ZNF253: variants seen among roughly 807,000 people sequenced by gnomAD.
ZNF253 encodes DNA-binding protein.
Under a neutral mutation model 11.9 loss-of-function variants are expected in ZNF253, and 8 were observed. The observed-to-expected ratio is 0.67, with a 90% CI of 0.40 to 1.22. The LOEUF is 1.22. Ranked by LOEUF, ZNF253 falls within the 50% of genes most tolerant of loss-of-function variation. The probability of loss-of-function intolerance (pLI) is 0.01; values close to 1 mark genes in which losing one functional copy is unlikely to be tolerated. For synonymous variants in ZNF253, 194 were observed against 194.9 expected, an observed-to-expected ratio of 1.00 and a Z score of 0.04; for missense variants, 485 against 586.9, an observed-to-expected ratio of 0.83 and a Z score of 1.79.
At chr19:19,877,440 A>G (rs1227430591) in intron 1 of ZNF253, among the ~76,000 whole-genome samples, 1 of 150,732 alleles carries the variant, frequency 6.6e-6, no homozygotes, top group East Asian at 2.0e-4. Flanking sequence ...CAATGGTGCA[A>G]TCTTGGCTCA....
chr19:19,866,088 T>G, intron 1 of ZNF253, 89 bp downstream of exon 1: 1 of 1,562,240 alleles, frequency 6.4e-7, no homozygotes, highest in Non-Finnish European at 8.8e-7. Flanking sequence ...TTCCTCACAG[T>G]CAGCTCCACA....
intron 3 of ZNF253, among the ~76,000 whole-genome samples, chr19:19,891,212 C>T (rs1217870594): frequency 1.3e-5 from 2 of 152,138 alleles, no homozygotes; most frequent in African/African-American, 4.8e-5. Context: ...ACTAACAGAG[C>T]TTTCTTTTTC....
At chr19:19,877,803 C>G (rs1386791723) in intron 1 of ZNF253, among the ~76,000 whole-genome samples, 1 of 152,134 alleles carries the variant, frequency 6.6e-6, no homozygotes, top group African/African-American at 2.4e-5. Flanking sequence ...AATTATTTCT[C>G]TCTTCATTAA....
chr19:19,888,972 G>A lies in ZNF253; in HGVS notation c.227-2502G>A, dbSNP rs141697752. 2.5e-3 allele frequency among the ~76,000 whole-genome samples: 381 copies of A among 151,624 alleles called. 4 individuals are homozygous for A. Among genetic ancestry groups the A allele is most frequent in the Middle Eastern group, 0.01 (3 of 294 alleles). On this transcript the variant is annotated intron_variant, in intron 3 of 3. Transcript: ENST00000589717. ...ATATGATAGTACAATTTTGCCGATGGTATTATTTTCTGCAAAAATTTTTTT... is the reference window on the plus strand; with the variant it reads ...ATATGATAGTACAATTTTGCCGATGATATTATTTTCTGCAAAAATTTTTTT...
At chr19:19,875,856 AG>A (rs1241889358) in intron 1 of ZNF253, among the ~76,000 whole-genome samples, 2 of 152,238 alleles carry the variant, frequency 1.3e-5, no homozygotes, top group Non-Finnish European at 2.9e-5. Context: ...ACCAGCTTCC[AG>A]GGTATTATGA....
chr19:19,884,402 C>T (rs1395407704), intron 3 of ZNF253, among the ~76,000 whole-genome samples: 1 of 151,654 alleles, frequency 6.6e-6, no homozygotes, highest in Non-Finnish European at 1.5e-5. Flanking sequence ...GATCGAGTCT[C>T]CCGCTGTCAC....
intron 2 of ZNF253, among the ~76,000 whole-genome samples, chr19:19,879,717 T>G (rs1443738709): frequency 1.3e-5 from 2 of 152,202 alleles, no homozygotes; most frequent in African/African-American, 2.4e-5. Flanking sequence ...CACTTGTGAA[T>G]ACAATAGGAA....
Position 19,891,574 on chromosome 19 carries a change from T to C in ZNF253, c.327T>C (p.Asn109=). ...GATATGAAGAATGCAGACATGACAA[T>C]TTACAGTTAAAAAAAGGCTGTAAAA... The part of the protein sequence containing the change: ...LRRYEECRHD[N]LQLKKGCKSV... The change falls in exon 4 of 4, where the codon AAT becomes AAC. Residue 109 remains asparagine (N), a synonymous_variant. Transcript: ENST00000589717. The C allele has an allele frequency of 6.2e-7, 1 of 1,613,990 alleles. No homozygotes were observed. Among genetic ancestry groups the C allele is most frequent in the Non-Finnish European group, 8.5e-7 (1 of 1,179,972 alleles).
At position 19,891,880 on chromosome 19, in the gene ZNF253, A is replaced by G. The variant is rs777486976; in HGVS notation, c.633A>G (p.Gln211=). The G allele has an allele frequency of 1.2e-5, 19 of 1,613,044 alleles. No homozygotes were observed. The highest frequency in any genetic ancestry group is 1.7e-5 in the Admixed American group (1 of 59,938). Residue 211 remains glutamine (Q), a synonymous_variant, in exon 4 of 4, where the codon CAA becomes CAG. Coordinates refer to ENST00000589717, the MANE Select transcript of ZNF253 (RefSeq NM_021047.3). ...RCEECGKAFN[Q]SANLTTHKRI... ...AAGAATGTGGCAAAGCTTTTAACCA[A>G]TCTGCAAACCTTACTACACATAAGA...
intron 1 of ZNF253, among the ~76,000 whole-genome samples, chr19:19,869,660 CTTTTTTTTTTTTT>C (rs35926309): frequency 9.7e-6 from 1 of 103,308 alleles, no homozygotes; most frequent in South Asian, 3.3e-4. Context: ...CATGCCTGGC[CTTTTTTTTTTTTT>C]TTTTTTTTTT....
chr19:19,866,851 G>A (rs2063113547), intron 1 of ZNF253, among the ~76,000 whole-genome samples: 1 of 152,098 alleles, frequency 6.6e-6, no homozygotes, highest in African/African-American at 2.4e-5. Context: ...AGGCTGACCC[G>A]ATTGGCTACT....
intron 1 of ZNF253, among the ~76,000 whole-genome samples, chr19:19,877,103 G>A (rs545051022): frequency 1.5e-4 from 23 of 152,274 alleles, no homozygotes; most frequent in Non-Finnish European, 2.6e-4. Flanking sequence ...CTCCATCTGT[G>A]TGTTCCATTA....
chr19:19,885,253 TTCTTTCTTTCTTTC>T (rs2063195599), intron 3 of ZNF253, among the ~76,000 whole-genome samples: 1 of 67,362 alleles, frequency 1.5e-5, no homozygotes, highest in Admixed American at 1.5e-4. Flanking sequence ...CTTTCTTTCT[TTCTTTCTTTCTTTC>T]TTTCTTTCTT....
At chr19:19,884,720 C>T (rs543923847) in intron 3 of ZNF253, among the ~76,000 whole-genome samples, 3 of 152,056 alleles carry the variant, frequency 2.0e-5, no homozygotes, top group African/African-American at 4.8e-5. Flanking sequence ...ACATTTCTAA[C>T]ATTTTAAAAT....
chr19:19,885,388 T>C (rs2063202314), intron 3 of ZNF253, among the ~76,000 whole-genome samples: 1 of 90,244 alleles, frequency 1.1e-5, no homozygotes, highest in Non-Finnish European at 2.0e-5. Flanking sequence ...TTCTTTTCTT[T>C]CTTTTCTTTC....
At chr19:19,885,256 TTTC>T in intron 3 of ZNF253, among the ~76,000 whole-genome samples, 7 of 66,972 alleles carry the variant, frequency 1.0e-4, no homozygotes, top group African/African-American at 4.3e-4. Context: ...TCTTTCTTTC[TTTC>T]TTTCTTTCTT....
chr19:19,865,951 A>T lies in ZNF253; in HGVS notation c.-46A>T, dbSNP rs1378178093. On this transcript the variant is annotated 5_prime_UTR_variant, in exon 1 of 4. Coordinates refer to ENST00000589717, the MANE Select transcript of ZNF253 (RefSeq NM_021047.3). ...CTCTGTGGCCGTGTGACCTGCAAGT[A>T]TTGGGAGAGCCACAGCTAAACCCCG... The T allele has an allele frequency of 6.2e-7, 1 of 1,613,884 alleles. No homozygotes were observed. Among genetic ancestry groups the T allele is most frequent in the Non-Finnish European group, 8.5e-7 (1 of 1,179,866 alleles).
intron 1 of ZNF253, among the ~76,000 whole-genome samples, chr19:19,869,929 C>T (rs1206545779): frequency 1.3e-5 from 2 of 151,842 alleles, no homozygotes; most frequent in African/African-American, 4.8e-5. Flanking sequence ...CTTCAGCCTC[C>T]AAAAGTGCTG....
intron 3 of ZNF253, among the ~76,000 whole-genome samples, chr19:19,885,658 T>G (rs2063203773): frequency 6.6e-6 from 1 of 152,194 alleles, no homozygotes; most frequent in Non-Finnish European, 1.5e-5. Context: ...CCCAAAGTGC[T>G]GGGATTACAG....
Sources: allele counts gnomAD v4.1 joint callset (sites outside exome capture counted in the v4.1 genomes callset), GRCh38; gene constraint gnomAD v4.1.1; transcripts MANE v1.5; gene names NCBI Gene and HGNC (gene_info 2026-07-23, HGNC 2026-07-21).